GRID2: variants seen among roughly 807,000 people sequenced by gnomAD.
GRID2 encodes glutamate receptor ionotropic, delta-2.
GRID2 carries 33 observed loss-of-function variants against 114.8 expected under a neutral mutation model. That is an observed-to-expected ratio of 0.29 (90% confidence interval 0.22 to 0.38). The LOEUF (loss-of-function observed/expected upper bound fraction) is 0.38, where lower values mean the gene tolerates loss of function less well. Ranked by LOEUF, GRID2 falls within the 10% of genes least tolerant of loss-of-function variation. The pLI is 1.00. For missense variants in GRID2, 1,184 were observed against 1,257.7 expected, an observed-to-expected ratio of 0.94 and a Z score of 0.89; for synonymous variants, 505 against 449.9, an observed-to-expected ratio of 1.12 and a Z score of -1.55.
At chr4:93,215,733 TAATC>T (rs1560996959) in intron 5 of GRID2, among the ~76,000 whole-genome samples, 1 of 152,062 alleles carries the variant, frequency 6.6e-6, no homozygotes, top group Non-Finnish European at 1.5e-5. Flanking sequence ...AATATGTAAT[TAATC>T]TGGTAAGAAA....
At chr4:92,979,062 T>G (rs1560764693) in intron 2 of GRID2, among the ~76,000 whole-genome samples, 3 of 151,942 alleles carry the variant, frequency 2.0e-5, no homozygotes, top group African/African-American at 7.2e-5. Context: ...TAAATTATAC[T>G]CGTGCTGTCC....
At chr4:93,591,390 A>C (rs1274123725) in intron 13 of GRID2, among the ~76,000 whole-genome samples, 1 of 151,448 alleles carries the variant, frequency 6.6e-6, no homozygotes. Context: ...CCAGCCTTGC[A>C]TCCCAGGGAT....
intron 2 of GRID2, among the ~76,000 whole-genome samples, chr4:92,649,806 A>T (rs1731836978): frequency 6.6e-6 from 1 of 152,070 alleles, no homozygotes; most frequent in Non-Finnish European, 1.5e-5. Context: ...GATATCTCGT[A>T]ACTTAGAAAC....
intron 2 of GRID2, among the ~76,000 whole-genome samples, chr4:92,898,511 A>T (rs1248897168): frequency 6.6e-6 from 1 of 152,172 alleles, no homozygotes; most frequent in Non-Finnish European, 1.5e-5. Context: ...TTATTAGCTT[A>T]AAACCCTGAG....
At chr4:92,442,549 T>C (rs2149068991) in intron 1 of GRID2, among the ~76,000 whole-genome samples, 1 of 152,178 alleles carries the variant, frequency 6.6e-6, no homozygotes, top group South Asian at 2.1e-4. Flanking sequence ...GAATTGCAAC[T>C]TTTTTCTATT....
intron 2 of GRID2, among the ~76,000 whole-genome samples, chr4:92,625,985 A>G (rs1730502639): frequency 6.6e-6 from 1 of 152,002 alleles, no homozygotes; most frequent in African/African-American, 2.4e-5. Context: ...TTATACTTAG[A>G]GATCTGATTT....
chr4:92,829,116 T>C (rs1223013003), intron 2 of GRID2, among the ~76,000 whole-genome samples: 2 of 152,208 alleles, frequency 1.3e-5, no homozygotes, highest in Admixed American at 6.6e-5. Context: ...TGGTGTTGTC[T>C]AGGTTTTCTT....
chr4:93,475,599 T>C (rs544730592), intron 11 of GRID2, among the ~76,000 whole-genome samples: 80 of 152,284 alleles, frequency 5.3e-4, no homozygotes, highest in Admixed American at 1.1e-3. Flanking sequence ...TCTGACCTTT[T>C]AGAACTAATG....
At chr4:93,077,648 G>T (rs1729455014) in intron 2 of GRID2, among the ~76,000 whole-genome samples, 1 of 152,048 alleles carries the variant, frequency 6.6e-6, no homozygotes, top group South Asian at 2.1e-4. Flanking sequence ...GATTATGTAG[G>T]TGAAGATTAA....
At chr4:92,573,890 A>G (rs929445723) in intron 1 of GRID2, among the ~76,000 whole-genome samples, 1 of 151,052 alleles carries the variant, frequency 6.6e-6, no homozygotes, top group Admixed American at 6.6e-5. Flanking sequence ...TCAATGATCT[A>G]GTATTTTCAG....
At chr4:92,892,160 T>C (rs1746836977) in intron 2 of GRID2, among the ~76,000 whole-genome samples, 1 of 151,906 alleles carries the variant, frequency 6.6e-6, no homozygotes. Context: ...GCCTCCAGGG[T>C]TCAAGCAATT....
At chr4:92,432,234 G>A (rs989278523) in intron 1 of GRID2, among the ~76,000 whole-genome samples, 4 of 152,072 alleles carry the variant, frequency 2.6e-5, no homozygotes, top group East Asian at 1.9e-4. Flanking sequence ...GGCCCATGGC[G>A]ACCACTGCCT....
chr4:92,660,103 A>G (rs1359758802), intron 2 of GRID2, among the ~76,000 whole-genome samples: 1 of 151,426 alleles, frequency 6.6e-6, no homozygotes, highest in African/African-American at 2.4e-5. Flanking sequence ...CATACTGAAA[A>G]TTCTAAGATG....
At chr4:93,601,742 T>G (rs1453088307) in intron 13 of GRID2, among the ~76,000 whole-genome samples, 2 of 152,196 alleles carry the variant, frequency 1.3e-5, no homozygotes, top group African/African-American at 2.4e-5. Flanking sequence ...ATAATTTTTT[T>G]CATCAAGCCA....
intron 2 of GRID2, among the ~76,000 whole-genome samples, chr4:92,646,813 TATC>T (rs1318445818): frequency 6.6e-6 from 1 of 152,242 alleles, no homozygotes; most frequent in African/African-American, 2.4e-5. Context: ...TGTTTTCATT[TATC>T]ATTATTATCA....
At chr4:92,703,197 T>C (rs1734768081) in intron 2 of GRID2, among the ~76,000 whole-genome samples, 1 of 152,104 alleles carries the variant, frequency 6.6e-6, no homozygotes. Flanking sequence ...TGGTAATAAA[T>C]AAATGTAATC....
intron 2 of GRID2, among the ~76,000 whole-genome samples, chr4:93,066,264 A>C (rs1245981312): frequency 6.6e-6 from 1 of 152,000 alleles, no homozygotes; most frequent in Non-Finnish European, 1.5e-5. Flanking sequence ...TATATAGAGA[A>C]AAGTAACACA....
intron 2 of GRID2, among the ~76,000 whole-genome samples, chr4:92,834,433 C>T (rs961333221): frequency 8.6e-5 from 13 of 152,026 alleles, no homozygotes; most frequent in African/African-American, 3.1e-4. Context: ...GGAATATTGT[C>T]TATAGGTGAT....
intron 4 of GRID2, among the ~76,000 whole-genome samples, chr4:93,145,495 C>T (rs1241418657): frequency 6.8e-6 from 1 of 146,032 alleles, no homozygotes; most frequent in Admixed American, 6.9e-5. Flanking sequence ...CAGTTTCACT[C>T]TTGTCACCCA....
Sources: allele counts gnomAD v4.1 joint callset (sites outside exome capture counted in the v4.1 genomes callset), GRCh38; gene constraint gnomAD v4.1.1; transcripts MANE v1.5; gene names NCBI Gene and HGNC (gene_info 2026-07-23, HGNC 2026-07-21).